Variants in PCSK2 observed in about 807,000 individuals in gnomAD.
PCSK2 encodes neuroendocrine convertase 2.
PCSK2 carries 14 observed loss-of-function variants against 69.7 expected under a neutral mutation model. The observed-to-expected ratio is 0.20, with a 90% confidence interval of 0.13 to 0.31. The LOEUF is 0.31. Among genes scored for constraint, PCSK2 ranks in the 10% least tolerant of loss-of-function variants. PCSK2 has a pLI of 1.00. For missense variants in PCSK2, 544 were observed against 842.5 expected (o/e 0.65, Z 4.39); for synonymous variants, 307 against 320.7 (o/e 0.96, Z 0.46).
At position 17,481,641 on chromosome 20, in the gene PCSK2, G is replaced by C. The variant is rs201759407; in HGVS notation, c.1488G>C (p.Gly496=). Reference sequence around the variant, plus strand: ...CACTCACAACCGACGCCTGTGAGGGGAAGGAAAATTTTGTCCGCTACCTGG... The same window carrying C: ...CACTCACAACCGACGCCTGTGAGGGCAAGGAAAATTTTGTCCGCTACCTGG... ...VLTLTTDACE[G]KENFVRYLEH... The change falls in exon 12 of 12, where the codon GGG becomes GGC. Residue 496 remains glycine, a synonymous_variant. Coordinates refer to ENST00000262545, the MANE Select transcript of PCSK2 (RefSeq NM_002594.5). The C allele has an allele frequency of 1.2e-6, 2 of 1,614,082 alleles. No homozygotes were observed. The highest frequency in any genetic ancestry group is 4.5e-5 in the East Asian group (2 of 44,850).
In PCSK2 at chr20:17,438,350, G is replaced by A. The variant is rs367652704; in HGVS notation, c.885+1467G>A. ...ACTAAAATAAGTGAATGTACAGAAC[G>A]CTATGTTTAACGCAGGCATAAAAAA... On this transcript the variant is annotated intron_variant, in intron 8 of 11. Transcript: ENST00000262545. Among the ~76,000 whole-genome samples, 64 of 152,200 alleles carry A rather than the reference G, an allele frequency of 4.2e-4. No individual in the cohort carries two copies. The East Asian group carries it at 6.2e-3, about 15-fold the overall frequency.
chr20:17,349,971 G>A (rs1568613383), intron 2 of PCSK2, among the ~76,000 whole-genome samples: 1 of 151,966 alleles, frequency 6.6e-6, no homozygotes, highest in Admixed American at 6.6e-5. Context: ...TGCTTCGCGA[G>A]GACACCTTGT....
In PCSK2 at chr20:17,465,423, G is replaced by T; in HGVS notation, c.1300G>T (p.Val434Phe). 1 of 1,614,164 alleles carries T rather than the reference G, an allele frequency of 6.2e-7. No homozygotes were observed. Among genetic ancestry groups the T allele is most frequent in the South Asian group, 1.1e-5 (1 of 91,088 alleles). ...GGTCCATCAGTGGCGGCGCAATGGG[G>T]TCGGCCTGGAATTTAATCACCTCTT... ...DEVHQWRRNG[V>F]GLEFNHLFGY... The change falls in exon 11 of 12, where the codon GTC (valine) becomes TTC (phenylalanine). Residue 434 changes from valine to phenylalanine, a missense_variant. By Grantham distance (50) the Val-to-Phe change is conservative. This residue lies in a region of PCSK2 where 200 missense variants were observed against 287.8 expected (regional missense o/e 0.69). Coordinates refer to ENST00000262545, the MANE Select transcript of PCSK2 (RefSeq NM_002594.5).
intron 2 of PCSK2, among the ~76,000 whole-genome samples, chr20:17,342,321 CTTGT>C (rs988916690): frequency 4.6e-5 from 7 of 152,084 alleles, no homozygotes; most frequent in African/African-American, 1.7e-4. Flanking sequence ...TGTTTCTTTG[CTTGT>C]TTGTTTGTTT....
intron 1 of PCSK2, among the ~76,000 whole-genome samples, chr20:17,236,116 T>A (rs1043695263): frequency 2.6e-5 from 4 of 152,114 alleles, no homozygotes; most frequent in Non-Finnish European, 5.9e-5. Context: ...TCTGTATGAA[T>A]ATGTATAGAG....
chr20:17,403,336 C>CAAAAGTGAGCGGAACATTA (rs1165654616), intron 5 of PCSK2, among the ~76,000 whole-genome samples: 1 of 152,126 alleles, frequency 6.6e-6, no homozygotes, highest in Non-Finnish European at 1.5e-5. Flanking sequence ...TCGTTTCAGT[C>CAAAAGTGAGCGGAACATTA]AAAAGTGAGC....
At chr20:17,479,170 G>T (rs925323313) in intron 11 of PCSK2, 3 of 1,387,392 alleles carry the variant, frequency 2.2e-6, no homozygotes, top group South Asian at 2.3e-5. Flanking sequence ...ATCAGATGTG[G>T]TATCCCAAAA....
At chr20:17,268,161 A>G (rs1987707848) in intron 2 of PCSK2, among the ~76,000 whole-genome samples, 1 of 151,820 alleles carries the variant, frequency 6.6e-6, no homozygotes, top group African/African-American at 2.4e-5. Flanking sequence ...TGTTGGCTAG[A>G]AAACCAGCAT....
chr20:17,269,301 C>A (rs1041491941), intron 2 of PCSK2, among the ~76,000 whole-genome samples: 6 of 151,600 alleles, frequency 4.0e-5, no homozygotes, highest in African/African-American at 1.5e-4. Flanking sequence ...ATTTGTGGGA[C>A]TGAGCCCTAG....
At chr20:17,359,539 A>G (rs1049124434) in intron 3 of PCSK2, among the ~76,000 whole-genome samples, 1 of 152,204 alleles carries the variant, frequency 6.6e-6, no homozygotes, top group African/African-American at 2.4e-5. Context: ...AAATTGTAGA[A>G]TTTTTAAAAG....
chr20:17,441,735 C>T (rs1218841918), intron 8 of PCSK2, among the ~76,000 whole-genome samples: 1 of 151,998 alleles, frequency 6.6e-6, no homozygotes, highest in Admixed American at 6.5e-5. Context: ...GGGGAAGACT[C>T]GCCCCCATGA....
At chr20:17,391,862 C>A (rs911655292) in intron 5 of PCSK2, among the ~76,000 whole-genome samples, 1 of 123,338 alleles carries the variant, frequency 8.1e-6, no homozygotes, top group Admixed American at 1.0e-4. Context: ...CAGAGTGATA[C>A]CATGTGAAAG....
chr20:17,358,287 C>A, intron 2 of PCSK2, 40 bp from the exon 3 acceptor site: 1 of 1,121,438 alleles, frequency 8.9e-7, no homozygotes, highest in South Asian at 1.2e-5. Context: ...ACAGAATGTT[C>A]AGATTATATT....
intron 5 of PCSK2, among the ~76,000 whole-genome samples, chr20:17,401,713 G>A (rs982792822): frequency 6.6e-5 from 10 of 152,070 alleles, no homozygotes; most frequent in Admixed American, 2.0e-4. Context: ...TTAGCATACC[G>A]GCAACAACCC....
At chr20:17,233,052 A>G (rs1016516636) in intron 1 of PCSK2, among the ~76,000 whole-genome samples, 3 of 152,202 alleles carry the variant, frequency 2.0e-5, no homozygotes, top group Non-Finnish European at 4.4e-5. Flanking sequence ...TTGATGATGT[A>G]TAATCGATTC....
At chr20:17,257,323 G>T (rs1434851369) in intron 1 of PCSK2, among the ~76,000 whole-genome samples, 1 of 152,174 alleles carries the variant, frequency 6.6e-6, no homozygotes, top group East Asian at 1.9e-4. Context: ...CACTGTTGGT[G>T]GTTAGTGTAA....
chr20:17,247,979 A>T (rs1986828243), intron 1 of PCSK2, among the ~76,000 whole-genome samples: 1 of 152,178 alleles, frequency 6.6e-6, no homozygotes, highest in Non-Finnish European at 1.5e-5. Context: ...TGTTGCTGAG[A>T]TCCATACATT....
chr20:17,442,592 C>T (rs1051322055), intron 8 of PCSK2, among the ~76,000 whole-genome samples: 15 of 152,126 alleles, frequency 9.9e-5, no homozygotes, highest in African/African-American at 3.6e-4. Flanking sequence ...TGAGAAGTCT[C>T]CCTCCCTCCC....
At chr20:17,439,353 G>C (rs1357059904) in intron 8 of PCSK2, among the ~76,000 whole-genome samples, 1 of 151,842 alleles carries the variant, frequency 6.6e-6, no homozygotes, top group Non-Finnish European at 1.5e-5. Context: ...TCAAACTCCG[G>C]GACTCAAGAG....
Sources: allele counts gnomAD v4.1 joint callset (sites outside exome capture counted in the v4.1 genomes callset), GRCh38; gene constraint gnomAD v4.1.1; regional missense constraint gnomAD v4.1.1; transcripts MANE v1.5; gene names NCBI Gene and HGNC (gene_info 2026-07-23, HGNC 2026-07-21).